Variants in ADAMTS9 observed in about 807,000 individuals in gnomAD.
ADAMTS9 encodes A disintegrin and metalloproteinase with thrombospondin motifs 9.
Under a neutral mutation model 257.1 loss-of-function variants are expected in ADAMTS9, and 107 were observed. The observed-to-expected ratio is 0.42, with a 90% CI of 0.36 to 0.49. The LOEUF is 0.49. Ranked by LOEUF, ADAMTS9 falls within the 20% of genes least tolerant of loss-of-function variation. The pLI is 0.03. For missense variants in ADAMTS9, 2,353 were observed against 2,469.1 expected, an observed-to-expected ratio of 0.95 and a Z score of 1.00; for synonymous variants, 982 against 880.9, an observed-to-expected ratio of 1.11 and a Z score of -2.03.
intron 3 of ADAMTS9, among the ~76,000 whole-genome samples, chr3:64,674,488 G>C (rs946551368): frequency 2.6e-5 from 4 of 152,180 alleles, no homozygotes; most frequent in African/African-American, 9.7e-5. Flanking sequence ...AGAATAATCA[G>C]AGCATCTTCC....
chr3:64,556,756 C>T (rs75796646), intron 30 of ADAMTS9, among the ~76,000 whole-genome samples: 108 of 60,406 alleles, frequency 1.8e-3, no homozygotes, highest in African/African-American at 3.8e-3. Flanking sequence ...CTTCCTTCCT[C>T]CCTCCCTTTC....
At position 64,594,584 on chromosome 3, in the gene ADAMTS9, A is replaced by G; in HGVS notation, c.4180-150T>C. 6.6e-6 allele frequency: 6 copies of G among 912,914 alleles called. No homozygotes were observed. The South Asian group carries it at 1.0e-4, about 15-fold the overall frequency. The allele number at this position is 912,914 out of a possible 1,614,324, so 56.6% of individuals were successfully genotyped here. On this transcript the variant is annotated intron_variant, in intron 27 of 39. Coordinates refer to ENST00000498707, the MANE Select transcript of ADAMTS9 (RefSeq NM_182920.2). ...GAACCAAGGTGAATTACCAATAGTG[A>G]TACGTAAAACAGACCAAGACTCTCC...
At chr3:64,618,921 A>G (rs1576123800) in intron 19 of ADAMTS9, among the ~76,000 whole-genome samples, 1 of 152,134 alleles carries the variant, frequency 6.6e-6, no homozygotes, top group East Asian at 1.9e-4. Context: ...CTTCCAATGC[A>G]GGAGAAACTT....
intron 3 of ADAMTS9, among the ~76,000 whole-genome samples, chr3:64,669,538 A>T (rs1241190855): frequency 6.6e-6 from 1 of 152,188 alleles, no homozygotes; most frequent in African/African-American, 2.4e-5. Context: ...AGTTCTCTCT[A>T]AAGTTTCCTC....
chr3:64,639,477 G>T (rs1366359883), intron 12 of ADAMTS9, among the ~76,000 whole-genome samples: 1 of 151,792 alleles, frequency 6.6e-6, no homozygotes, highest in Non-Finnish European at 1.5e-5. Flanking sequence ...GATTTTCTTT[G>T]TCTAGCCCAT....
chr3:64,578,128 C>T (rs2083900754), intron 28 of ADAMTS9, among the ~76,000 whole-genome samples: 1 of 152,154 alleles, frequency 6.6e-6, no homozygotes, highest in South Asian at 2.1e-4. Flanking sequence ...TGTATCTCAG[C>T]AGCAGGGATA....
chr3:64,617,546 C>G (rs2106850093), intron 19 of ADAMTS9, among the ~76,000 whole-genome samples: 1 of 152,120 alleles, frequency 6.6e-6, no homozygotes, highest in Middle Eastern at 3.4e-3. Context: ...TAGTTCATTT[C>G]AAGGGACATA....
At chr3:64,625,170 T>C (rs745584436) in intron 16 of ADAMTS9, among the ~76,000 whole-genome samples, 1 of 152,168 alleles carries the variant, frequency 6.6e-6, no homozygotes, top group Non-Finnish European at 1.5e-5. Context: ...TGTCAATCAA[T>C]TGGTAACAGC....
Position 64,649,612 on chromosome 3 carries a change from G to A in ADAMTS9, c.1605+25C>T, listed in dbSNP as rs187375307. On this transcript the variant is annotated intron_variant, in intron 10 of 39. Transcript: ENST00000498707. ...AGAAGTGCAGAATCAGTAGATGAGG[G>A]CAGAAGTGGCCCTCCTACACTTACC... 159 of 1,593,706 alleles carry A rather than the reference G, an allele frequency of 1.0e-4. No homozygotes were observed. In the East Asian group the frequency reaches 2.2e-3, roughly 22 times the overall value.
chr3:64,547,496 C>G (rs2083217101), intron 31 of ADAMTS9, among the ~76,000 whole-genome samples: 1 of 149,290 alleles, frequency 6.7e-6, no homozygotes, highest in Non-Finnish European at 1.5e-5. Context: ...TCTCCTATCT[C>G]TCTCCCTGGC....
chr3:64,574,262 C>A (rs1335027845), intron 28 of ADAMTS9, among the ~76,000 whole-genome samples: 1 of 152,138 alleles, frequency 6.6e-6, no homozygotes, highest in East Asian at 1.9e-4. Flanking sequence ...TTATTATGAG[C>A]AGGATATTGG....
chr3:64,625,548 C>A (rs1466852763), intron 16 of ADAMTS9, among the ~76,000 whole-genome samples: 1 of 152,164 alleles, frequency 6.6e-6, no homozygotes, highest in African/African-American at 2.4e-5. Context: ...CAATTGGACA[C>A]CTTACTGACG....
intron 3 of ADAMTS9, among the ~76,000 whole-genome samples, chr3:64,680,858 AG>A (rs1331683329): frequency 2.0e-5 from 3 of 152,198 alleles, no homozygotes; most frequent in Non-Finnish European, 4.4e-5. Context: ...TTGGTGACTG[AG>A]GGTGCTACTA....
chr3:64,597,725 A>G lies in ADAMTS9; in HGVS notation c.4018-734T>C, dbSNP rs532163596. 3.3e-5 allele frequency among the ~76,000 whole-genome samples: 5 copies of G among 152,162 alleles called. No homozygotes were observed. The East Asian group carries it at 7.7e-4, about 23-fold the overall frequency. On this transcript the variant is annotated intron_variant, in intron 26 of 39. Coordinates refer to ENST00000498707, the MANE Select transcript of ADAMTS9 (RefSeq NM_182920.2). The stretch of plus-strand genomic sequence containing the variant: ...TGGGGTTATGTTTGCATTTCATTTC[A>G]TTTCCCATACAAGCCTCTCATAGTT...
chr3:64,524,777 G>C (rs1465963402), intron 38 of ADAMTS9, among the ~76,000 whole-genome samples: 1 of 152,132 alleles, frequency 6.6e-6, no homozygotes, highest in African/African-American at 2.4e-5. Flanking sequence ...AAAGACCTGC[G>C]CTCCATAGAG....
intron 37 of ADAMTS9, 42 bp downstream of exon 37, chr3:64,539,161 G>T: frequency 6.5e-7 from 1 of 1,539,642 alleles, no homozygotes; most frequent in Non-Finnish European, 9.0e-7. Context: ...GGGAAAGGTG[G>T]GAGGTGAATC....
intron 16 of ADAMTS9, among the ~76,000 whole-genome samples, chr3:64,628,678 G>A (rs893235864): frequency 6.6e-6 from 1 of 152,202 alleles, no homozygotes; most frequent in Admixed American, 6.5e-5. Context: ...AAAAGCTGAT[G>A]TAGTGATTGA....
chr3:64,642,435 T>C (rs1421348494), intron 11 of ADAMTS9, among the ~76,000 whole-genome samples: 1 of 130,900 alleles, frequency 7.6e-6, no homozygotes, highest in African/African-American at 3.3e-5. Flanking sequence ...TTTAATTATA[T>C]TGGAGAGGGG....
chr3:64,625,772 C>T (rs1163338388), intron 16 of ADAMTS9, among the ~76,000 whole-genome samples: 1 of 152,160 alleles, frequency 6.6e-6, no homozygotes, highest in Admixed American at 6.5e-5. Context: ...AACTTCTTGG[C>T]TCAAAATCCT....
Sources: allele counts gnomAD v4.1 joint callset (sites outside exome capture counted in the v4.1 genomes callset), GRCh38; gene constraint gnomAD v4.1.1; transcripts MANE v1.5; gene names NCBI Gene and HGNC (gene_info 2026-07-23, HGNC 2026-07-21).